ATG7: variants seen among roughly 807,000 people sequenced by gnomAD.
ATG7 encodes the protein autophagy related 7.
A neutral mutation model predicts 82.4 loss-of-function variants in ATG7; 70 were observed. The ratio of observed to expected loss-of-function variants is 0.85; its 90% confidence interval spans 0.70 to 1.04. ATG7 has a LOEUF of 1.04. Among genes scored for constraint, ATG7 ranks in the 50% least tolerant of loss-of-function variants. ATG7 has a pLI of 0.00. For missense variants in ATG7, 792 were observed against 864.3 expected (o/e 0.92, Z 1.05); for synonymous variants, 287 against 313.0 (o/e 0.92, Z 0.88).
intron 20 of ATG7, among the ~76,000 whole-genome samples, chr3:11,432,335 T>A (rs978093605): frequency 2.0e-5 from 3 of 152,132 alleles, no homozygotes; most frequent in Non-Finnish European, 2.9e-5. Flanking sequence ...ATAAAAAAAA[T>A]TTTAATGAGA....
At chr3:11,398,682 G>A (rs894620948) in intron 19 of ATG7, among the ~76,000 whole-genome samples, 4 of 152,034 alleles carry the variant, frequency 2.6e-5, no homozygotes, top group Admixed American at 6.6e-5. Context: ...GCAAGACCCC[G>A]TCTCTACAGA....
At chr3:11,382,438 A>G (rs1453944614) in intron 19 of ATG7, among the ~76,000 whole-genome samples, 3 of 152,222 alleles carry the variant, frequency 2.0e-5, no homozygotes, top group Non-Finnish European at 2.9e-5. Context: ...AGGTTGGCAC[A>G]TAACGAGGTG....
At chr3:11,379,748 T>G (rs1406541407) in intron 18 of ATG7, among the ~76,000 whole-genome samples, 1 of 152,244 alleles carries the variant, frequency 6.6e-6, no homozygotes, top group Non-Finnish European at 1.5e-5. Flanking sequence ...TTTGAAAAGC[T>G]TGTAAGCCCT....
chr3:11,477,131 C>G, intron 20 of ATG7: 1 of 1,289,778 alleles, frequency 7.8e-7, no homozygotes, highest in Non-Finnish European at 1.0e-6. Flanking sequence ...TTGTACCTGC[C>G]AGCATCTTTG....
chr3:11,409,213 TTC>T (rs2080654856), intron 19 of ATG7, among the ~76,000 whole-genome samples: 1 of 152,230 alleles, frequency 6.6e-6, no homozygotes. Flanking sequence ...CTTACAATTT[TTC>T]AATTTACCAT....
At chr3:11,446,505 T>G (rs1482625726) in intron 20 of ATG7, 4 of 448,744 alleles carry the variant, frequency 8.9e-6, no homozygotes, top group African/African-American at 8.1e-5. Context: ...TGGTTTACTT[T>G]TAGCACTAAG....
chr3:11,364,681 A>G lies in ATG7; in HGVS notation c.1822A>G (p.Ser608Gly), dbSNP rs779212746. 13 of 1,614,222 alleles carry G rather than the reference A, an allele frequency of 8.1e-6. No homozygotes were observed. Among genetic ancestry groups the G allele is most frequent in the Non-Finnish European group, 1.1e-5 (13 of 1,180,024 alleles). ...PEGGYAIASSSDDRMNEPPTS... is the reference protein window; with the variant it reads ...PEGGYAIASSGDDRMNEPPTS... ...CAGGGGCTATGCCATTGCCAGCAGC[A>G]GTGACGATCGGATGAATGAGCCTCC... The change falls in exon 18 of 21, where the codon AGT (serine) becomes GGT (glycine). Residue 608 changes from serine to glycine, a missense_variant. Ser to Gly is a moderately conservative substitution (Grantham distance 56). Coordinates refer to ENST00000693202, the MANE Select transcript of ATG7 (RefSeq NM_001349232.2).
intron 20 of ATG7, among the ~76,000 whole-genome samples, chr3:11,532,280 A>G (rs1163523695): frequency 6.6e-6 from 1 of 152,216 alleles, no homozygotes; most frequent in African/African-American, 2.4e-5. Flanking sequence ...GCTGATCTCA[A>G]GGAGCCGGCA....
At chr3:11,305,971 A>T (rs1174804802) in intron 5 of ATG7, among the ~76,000 whole-genome samples, 1 of 152,248 alleles carries the variant, frequency 6.6e-6, no homozygotes, top group Admixed American at 6.5e-5. Context: ...TTAGTAGGCT[A>T]CTAATGAAAT....
At chr3:11,534,192 T>C (rs2092745909) in intron 20 of ATG7, among the ~76,000 whole-genome samples, 1 of 152,354 alleles carries the variant, frequency 6.6e-6, no homozygotes, top group South Asian at 2.1e-4. Flanking sequence ...AGAAAGGAAC[T>C]GGAGATTCCA....
intron 20 of ATG7, among the ~76,000 whole-genome samples, chr3:11,440,545 C>G (rs1006267857): frequency 6.7e-6 from 1 of 150,350 alleles, no homozygotes; most frequent in Non-Finnish European, 1.5e-5. Flanking sequence ...GGGATGGTCT[C>G]GATCTCCTGA....
intron 3 of ATG7, among the ~76,000 whole-genome samples, chr3:11,287,268 C>A (rs571667214): frequency 4.6e-5 from 7 of 152,094 alleles, no homozygotes; most frequent in African/African-American, 1.7e-4. Flanking sequence ...AATATAGCTG[C>A]CAGGGGAGGA....
At chr3:11,477,448 C>A in intron 20 of ATG7, 2 of 483,526 alleles carry the variant, frequency 4.1e-6, no homozygotes, top group African/African-American at 2.1e-5. Context: ...AGCATGTTTT[C>A]TCCCTCTAAT....
intron 20 of ATG7, among the ~76,000 whole-genome samples, chr3:11,497,042 G>A (rs1188822997): frequency 6.6e-6 from 1 of 151,290 alleles, no homozygotes; most frequent in Non-Finnish European, 1.5e-5. Context: ...GTAGAGACGG[G>A]GTTTCACCGT....
intron 20 of ATG7, among the ~76,000 whole-genome samples, chr3:11,439,899 A>C (rs2083718203): frequency 6.6e-6 from 1 of 152,210 alleles, no homozygotes; most frequent in Non-Finnish European, 1.5e-5. Context: ...TGCCCATAAC[A>C]ATCTTAGGAG....
chr3:11,511,337 A>G (rs567510278), intron 20 of ATG7, among the ~76,000 whole-genome samples: 1 of 152,284 alleles, frequency 6.6e-6, no homozygotes, highest in South Asian at 2.1e-4. Context: ...CCATGTTCCC[A>G]TCATATTAGT....
chr3:11,518,056 T>C (rs1289672712), intron 20 of ATG7, among the ~76,000 whole-genome samples: 1 of 151,936 alleles, frequency 6.6e-6, no homozygotes, highest in Non-Finnish European at 1.5e-5. Flanking sequence ...GCTCTGGTGA[T>C]TGGTTGGATG....
intron 13 of ATG7, among the ~76,000 whole-genome samples, chr3:11,346,138 C>G (rs969487996): frequency 6.6e-6 from 1 of 152,084 alleles, no homozygotes; most frequent in African/African-American, 2.4e-5. Context: ...CTTGGCCTCC[C>G]GAGTAGTCAG....
rs1049727555 is a variant in ATG7 at position 11,326,361 on chromosome 3, C to T, written c.679-4979C>T. On this transcript the variant is annotated intron_variant, in intron 9 of 20. Transcript: ENST00000693202. The stretch of plus-strand genomic sequence containing the variant: ...TCACCCAGGCTGGAGTGCAGTGGCC[C>T]GATCTTGGCTCACTGCAACCTCCAC... Among the ~76,000 whole-genome samples, 14 of 152,034 alleles carry T rather than the reference C, an allele frequency of 9.2e-5. No homozygotes were observed. The South Asian group carries it at 1.2e-3, about 14-fold the overall frequency.
Sources: gnomAD v4.1 joint callset for allele counts (sites outside exome capture counted in the v4.1 genomes callset) on GRCh38, gnomAD v4.1.1 for gene constraint, MANE v1.5 for transcripts, NCBI Gene and HGNC (gene_info 2026-07-23, HGNC 2026-07-21) for gene names.